The following AFDN variants were observed in gnomAD, a reference collection of about 807,000 sequenced individuals.
AFDN encodes the protein afadin, adherens junction formation factor, also known as afadin.
In AFDN, 68 loss-of-function variants were observed where a neutral mutation model predicts 216.6. The observed-to-expected ratio is 0.31, with a 90% confidence interval of 0.26 to 0.38. AFDN has a LOEUF of 0.38. Among genes scored for constraint, AFDN ranks in the 10% least tolerant of loss-of-function variants. The pLI is 1.00. For synonymous variants in AFDN, 868 were observed against 853.7 expected, an observed-to-expected ratio of 1.02 and a Z score of -0.29; for missense variants, 2,136 against 2,342.0, an observed-to-expected ratio of 0.91 and a Z score of 1.82.
chr6:167,935,089 CA>C (rs1292702681), intron 23 of AFDN, among the ~76,000 whole-genome samples: 32 of 152,254 alleles, frequency 2.1e-4, no homozygotes, highest in African/African-American at 7.7e-4. Context: ...GCTCGTTCTA[CA>C]GGTGAATTTC....
At chr6:167,858,776 G>A (rs1020942792) in intron 1 of AFDN, among the ~76,000 whole-genome samples, 2 of 152,100 alleles carry the variant, frequency 1.3e-5, no homozygotes, top group South Asian at 2.1e-4. Context: ...TTACATTGCC[G>A]GCAACAGAAT....
intron 5 of AFDN, among the ~76,000 whole-genome samples, chr6:167,878,284 A>G (rs1785643557): frequency 6.6e-6 from 1 of 152,196 alleles, no homozygotes; most frequent in Non-Finnish European, 1.5e-5. Context: ...AACCAAAATC[A>G]TATAGATGTT....
chr6:167,955,488 C>T (rs1439529452), intron 30 of AFDN, among the ~76,000 whole-genome samples: 1 of 151,922 alleles, frequency 6.6e-6, no homozygotes, highest in East Asian at 1.9e-4. Flanking sequence ...ATAAGTGTAG[C>T]TGGAAGATAT....
chr6:167,911,077 G>T (rs762378263), intron 13 of AFDN, 24 bp from the exon 14 acceptor site: 51 of 1,602,154 alleles, frequency 3.2e-5, no homozygotes, highest in Non-Finnish European at 4.3e-5. Flanking sequence ...CTTATTTTAA[G>T]TGATGTCAGC....
rs570184966 is a variant in AFDN, at chr6:167,936,569, G to A, written c.3100-6560G>A. ...TGAAATTAATAAATTGTTTCATACA[G>A]TTTTTTTTTTAACCGTAGGCAGTAC... On this transcript the variant is annotated intron_variant, in intron 23 of 33. Coordinates refer to ENST00000683244, the MANE Select transcript of AFDN (RefSeq NM_001386888.1). Among the ~76,000 whole-genome samples, 5 of 149,218 alleles carry A rather than the reference G, an allele frequency of 3.4e-5. No homozygotes were observed. In the South Asian group the frequency reaches 1.1e-3, roughly 32 times the overall value.
At chr6:167,963,010 C>G (rs1797191621) in intron 31 of AFDN, 3 of 1,084,262 alleles carry the variant, frequency 2.8e-6, no homozygotes, top group South Asian at 8.5e-5. Context: ...ATGGTTTACT[C>G]AAATCACTCA....
chr6:167,923,497 GCATA>G (rs1458204970), intron 22 of AFDN, among the ~76,000 whole-genome samples: 1 of 151,918 alleles, frequency 6.6e-6, no homozygotes, highest in African/African-American at 2.4e-5. Context: ...TGGCTTCCTG[GCATA>G]CCTTAGGTTT....
intron 1 of AFDN, among the ~76,000 whole-genome samples, chr6:167,831,004 C>T (rs564743033): frequency 7.4e-4 from 99 of 133,940 alleles, no homozygotes; most frequent in African/African-American, 2.7e-3. Flanking sequence ...TGCAGTGGCA[C>T]GATCTCAGCT....
rs760483771 is a variant in AFDN, at chr6:167,864,765, G to C, written c.301+19G>C. 1 of 1,613,032 alleles carries C rather than the reference G, an allele frequency of 6.2e-7. No individual in the cohort carries two copies. The highest frequency in any genetic ancestry group is 1.1e-5 in the South Asian group (1 of 90,994). ...AGCGGAGGTCAGTGTATACAGGAAG[G>C]GTTTGCTAGAGGCATGACCTGACCT... On this transcript the variant is annotated intron_variant, in intron 2 of 33. Coordinates refer to ENST00000683244, the MANE Select transcript of AFDN (RefSeq NM_001386888.1).
At chr6:167,941,830 G>A (rs940714134) in intron 23 of AFDN, among the ~76,000 whole-genome samples, 10 of 152,110 alleles carry the variant, frequency 6.6e-5, no homozygotes, top group African/African-American at 9.7e-5. Context: ...GGGATGACGA[G>A]GTGAACAGAT....
At chr6:167,840,848 C>A (rs1780990802) in intron 1 of AFDN, among the ~76,000 whole-genome samples, 1 of 152,184 alleles carries the variant, frequency 6.6e-6, no homozygotes, top group Non-Finnish European at 1.5e-5. Context: ...TCAGATGGAC[C>A]TCCCTGGCAG....
chr6:167,924,174 C>T (rs1792193611), intron 22 of AFDN, among the ~76,000 whole-genome samples: 1 of 152,028 alleles, frequency 6.6e-6, no homozygotes, highest in African/African-American at 2.4e-5. Context: ...TAGTTATTAT[C>T]CTTCTAAATT....
At chr6:167,880,655 T>C in intron 6 of AFDN, 138 bp downstream of exon 6, 2 of 830,528 alleles carry the variant, frequency 2.4e-6, no homozygotes, top group South Asian at 1.8e-5. Flanking sequence ...GTGCTAAATA[T>C]ATATTTTTAA....
At position 167,965,814 on chromosome 6, in the gene AFDN, G is replaced by A. The variant is rs780985399; in HGVS notation, c.5026G>A (p.Asp1676Asn). ...GGAAGCCGAGAGGCGCAGACAGCAC[G>A]ACGAGGCGGCGCGCAGGTTGCTGGA... ...RLEAERRRQH[D>N]EAARRLLEPE... Residue 1676 changes from aspartate to asparagine, a missense_variant, in exon 32 of 34, where the codon GAC becomes AAC. By Grantham distance (23) the Asp-to-Asn change is conservative (BLOSUM62 1). Transcript: ENST00000683244. 4.5e-6 allele frequency: 7 copies of A among 1,566,654 alleles called. No individual in the cohort carries two copies. Among genetic ancestry groups the A allele is most frequent in the South Asian group, 1.2e-5 (1 of 84,628 alleles).
intron 2 of AFDN, among the ~76,000 whole-genome samples, chr6:167,865,548 G>T (rs1183858093): frequency 6.6e-6 from 1 of 152,184 alleles, no homozygotes; most frequent in Non-Finnish European, 1.5e-5. Flanking sequence ...AGGAGTTTGA[G>T]GCTTCAGTGA....
intron 1 of AFDN, among the ~76,000 whole-genome samples, chr6:167,847,021 G>A (rs191763498): frequency 6.6e-6 from 1 of 152,250 alleles, no homozygotes. Flanking sequence ...TTTTAAAGCT[G>A]AAAGTTAAAT....
At chr6:167,875,991 A>G (rs577862062) in intron 5 of AFDN, among the ~76,000 whole-genome samples, 5 of 152,316 alleles carry the variant, frequency 3.3e-5, no homozygotes, top group Admixed American at 6.5e-5. Flanking sequence ...ATAATTCCTT[A>G]ATACTATCAA....
intron 30 of AFDN, among the ~76,000 whole-genome samples, chr6:167,954,962 T>C (rs1796348537): frequency 6.8e-6 from 1 of 147,024 alleles, no homozygotes; most frequent in African/African-American, 2.4e-5. Context: ...ATTCTATGTT[T>C]TCTTTAATAA....
chr6:167,893,680 A>C, intron 8 of AFDN, 182 bp from the exon 9 acceptor site: 2 of 581,186 alleles, frequency 3.4e-6, no homozygotes, highest in Non-Finnish European at 6.3e-6. Flanking sequence ...CTGGGGCACT[A>C]GTATAGTCTT....
Sources: gnomAD v4.1 joint callset for allele counts (sites outside exome capture counted in the v4.1 genomes callset) on GRCh38, gnomAD v4.1.1 for gene constraint, MANE v1.5 for transcripts, NCBI Gene and HGNC (gene_info 2026-07-23, HGNC 2026-07-21) for gene names.